The following DCAF8 variants were observed in gnomAD, a reference collection of about 807,000 sequenced individuals.
DCAF8 encodes DDB1- and CUL4-associated factor 8.
Under a neutral mutation model 68.0 loss-of-function variants are expected in DCAF8, and 20 were observed. The observed-to-expected ratio is 0.29, with a 90% CI of 0.21 to 0.43. The LOEUF (loss-of-function observed/expected upper bound fraction) is 0.43. Ranked by LOEUF, DCAF8 falls within the 20% of genes least tolerant of loss-of-function variation. The pLI is 1.00. For missense variants in DCAF8, 460 were observed against 771.0 expected (o/e 0.60, Z 4.78); for synonymous variants, 230 against 276.9 (o/e 0.83, Z 1.68).
At chr1:160,223,672 C>T (rs960413978) in intron 10 of DCAF8, among the ~76,000 whole-genome samples, 14 of 152,244 alleles carry the variant, frequency 9.2e-5, no homozygotes, top group African/African-American at 3.1e-4. Flanking sequence ...TCGAGGCAGG[C>T]GGATCACTTG....
intron 7 of DCAF8, among the ~76,000 whole-genome samples, chr1:160,227,240 CAAG>C (rs1008780226): frequency 8.5e-5 from 13 of 152,114 alleles, no homozygotes; most frequent in Non-Finnish European, 1.6e-4. Context: ...GGTTGGACAT[CAAG>C]GAGAGAAGGT....
chr1:160,262,379 G>A (rs1657141019), intron 1 of DCAF8, 70 bp downstream of exon 1: 2 of 399,408 alleles, frequency 5.0e-6, no homozygotes, highest in African/African-American at 4.1e-5. Flanking sequence ...CCTTCTGCTA[G>A]CGGCTGCTCC....
chr1:160,258,031 T>C (rs1342325268), intron 2 of DCAF8, among the ~76,000 whole-genome samples: 1 of 152,098 alleles, frequency 6.6e-6, no homozygotes, highest in East Asian at 1.9e-4. Context: ...GCACTCAGCC[T>C]GGCAGATTCT....
rs553806208 is a variant in DCAF8 at position 160,259,289 on chromosome 1, C to T, written c.-27+1996G>A. 4.6e-5 allele frequency among the ~76,000 whole-genome samples: 7 copies of T among 152,270 alleles called. No individual in the cohort carries two copies. The South Asian group carries it at 1.4e-3, about 32-fold the overall frequency. ...GTGGTTCACACCTGTAATCCTAGCA[C>T]TTTGGGAGGCTGAGGCGGGCAGATC... On this transcript the variant is annotated intron_variant, in intron 2 of 13. Coordinates refer to ENST00000368074, the MANE Select transcript of DCAF8 (RefSeq NM_015726.4).
intron 2 of DCAF8, among the ~76,000 whole-genome samples, chr1:160,249,044 G>A (rs923202276): frequency 6.7e-6 from 1 of 148,790 alleles, no homozygotes; most frequent in African/African-American, 2.6e-5. Flanking sequence ...TACAAAATTA[G>A]CTGGGGGTGG....
Position 160,239,876 on chromosome 1 carries a change from G to A in DCAF8, c.544C>T (p.Arg182Cys). Residue 182 changes from arginine (R) to cysteine (C), a missense_variant, in exon 4 of 14, where the codon CGT becomes TGT. Coordinates refer to ENST00000368074, the MANE Select transcript of DCAF8 (RefSeq NM_015726.4). The stretch of plus-strand genomic sequence containing the variant: ...TCAAGCCCATGCTGCAGGCGGAAAC[G>A]CTGCACAAAGACTCTTGCCCCACAG... ...EACGARVFVQ[R>C]FRLQHGLEGH... The A allele has an allele frequency of 6.2e-7, 1 of 1,614,252 alleles. No individual in the cohort carries two copies. Among genetic ancestry groups the A allele is most frequent in the Non-Finnish European group, 8.5e-7 (1 of 1,180,050 alleles).
intron 13 of DCAF8, 63 bp downstream of exon 13, chr1:160,218,261 G>A (rs1655188484): frequency 7.7e-7 from 1 of 1,302,774 alleles, no homozygotes; most frequent in East Asian, 2.3e-5. Flanking sequence ...TCACTACTCT[G>A]GAACTTTTTA....
At chr1:160,239,000 G>A in intron 4 of DCAF8, 2 of 517,536 alleles carry the variant, frequency 3.9e-6, no homozygotes, top group South Asian at 3.1e-5. Context: ...CACATGATAA[G>A]AGCTCAGATG....
At chr1:160,250,895 C>T (rs1656562119) in intron 2 of DCAF8, among the ~76,000 whole-genome samples, 1 of 151,928 alleles carries the variant, frequency 6.6e-6, no homozygotes, top group African/African-American at 2.4e-5. Context: ...CCTCTGGTGC[C>T]TAGGGTCTAT....
At chr1:160,243,043 A>G (rs75584156) in intron 3 of DCAF8, among the ~76,000 whole-genome samples, 3,219 of 152,304 alleles carry the variant, frequency 0.021, 108 homozygotes, top group African/African-American at 0.074. Flanking sequence ...CAATCACATC[A>G]ACTAGAATTT....
chr1:160,242,438 G>A (rs1476619570), intron 3 of DCAF8, among the ~76,000 whole-genome samples: 1 of 152,072 alleles, frequency 6.6e-6, no homozygotes, highest in Admixed American at 6.6e-5. Flanking sequence ...GTGGTGAGCA[G>A]GGACTGAAAC....
At chr1:160,261,997 G>T in intron 1 of DCAF8, 1 of 202,492 alleles carries the variant, frequency 4.9e-6, no homozygotes, top group African/African-American at 2.3e-5. Flanking sequence ...GGGAGACGCA[G>T]GGCGAGCCGT....
chr1:160,234,875 G>A (rs1298104533), intron 6 of DCAF8, among the ~76,000 whole-genome samples: 2 of 152,086 alleles, frequency 1.3e-5, no homozygotes, highest in Non-Finnish European at 2.9e-5. Context: ...CCCAGTCTTT[G>A]TCCTCTTGAA....
chr1:160,260,776 T>C (rs778966689), intron 2 of DCAF8, among the ~76,000 whole-genome samples: 7 of 151,026 alleles, frequency 4.6e-5, no homozygotes, highest in Non-Finnish European at 2.9e-5. Context: ...AATTCTGAAA[T>C]AGACTGGACT....
Position 160,262,461 on chromosome 1 carries a change from C to A in DCAF8, c.-113G>T, listed in dbSNP as rs1657145878. 7.5e-6 allele frequency: 3 copies of A among 401,440 alleles called. No homozygotes were observed. The South Asian group carries it at 3.8e-4, about 51-fold the overall frequency. The allele number at this position is 401,440 out of a possible 1,614,324, so 24.9% of individuals were successfully genotyped here. A position where few individuals can be genotyped will look rare whatever the true frequency, so the allele number is the denominator to read the frequency against. On this transcript the variant is annotated 5_prime_UTR_variant, in exon 1 of 14. Transcript: ENST00000368074. Reference sequence around the variant, plus strand: ...GCCGCCATCTTACACTGGCCAGCGGCCGCCACCACCACCGCCTCCGCTCTC... The same window carrying A: ...GCCGCCATCTTACACTGGCCAGCGGACGCCACCACCACCGCCTCCGCTCTC...
intron 2 of DCAF8, among the ~76,000 whole-genome samples, chr1:160,260,668 C>T (rs143263508): frequency 1.3e-5 from 2 of 152,036 alleles, no homozygotes; most frequent in East Asian, 3.8e-4. Context: ...GTTTCTTCTG[C>T]TAACCAAGAA....
At chr1:160,236,309 T>C (rs1053552584) in intron 6 of DCAF8, among the ~76,000 whole-genome samples, 1 of 151,492 alleles carries the variant, frequency 6.6e-6, no homozygotes, top group Non-Finnish European at 1.5e-5. Flanking sequence ...TACATACATA[T>C]ATACGTGTGT....
chr1:160,242,594 A>G (rs1031447769), intron 3 of DCAF8, among the ~76,000 whole-genome samples: 10 of 152,222 alleles, frequency 6.6e-5, no homozygotes, highest in Non-Finnish European at 1.0e-4. Context: ...AAGCTCATCA[A>G]GAAGTCCCCA....
chr1:160,242,208 G>A (rs192976434), intron 3 of DCAF8, among the ~76,000 whole-genome samples: 173 of 148,054 alleles, frequency 1.2e-3, no homozygotes, highest in African/African-American at 3.7e-3. Flanking sequence ...TTGTGCCACC[G>A]TACTCCAGCT....
Sources: gnomAD v4.1 joint callset for allele counts (sites outside exome capture counted in the v4.1 genomes callset) on GRCh38, gnomAD v4.1.1 for gene constraint, MANE v1.5 for transcripts, NCBI Gene and HGNC (gene_info 2026-07-23, HGNC 2026-07-21) for gene names.